The following PRR16 variants were observed in gnomAD, a reference collection of about 807,000 sequenced individuals.
The protein encoded by PRR16 is protein Largen.
Under a neutral mutation model 18.2 loss-of-function variants are expected in PRR16, and 6 were observed. That is an observed-to-expected ratio of 0.33 (90% CI 0.18 to 0.65). The LOEUF (loss-of-function observed/expected upper bound fraction) is 0.65, where lower values mean the gene tolerates loss of function less well. Among genes scored for constraint, PRR16 ranks in the 30% least tolerant of loss-of-function variants. The pLI is 0.74. For missense variants in PRR16, 412 were observed against 376.6 expected (o/e 1.09, Z -0.78); for synonymous variants, 151 against 147.8 (o/e 1.02, Z -0.16).
At chr5:120,779,099 C>T in the PRR16 span, among the ~76,000 whole-genome samples, 1 of 152,052 alleles carries the variant, frequency 6.6e-6, no homozygotes, top group Admixed American at 6.6e-5. Context: ...AAAATATGCA[C>T]ACGTTAACAT....
the PRR16 span, among the ~76,000 whole-genome samples, chr5:120,763,298 A>G: frequency 6.6e-6 from 1 of 151,758 alleles, no homozygotes; most frequent in Non-Finnish European, 1.5e-5. Context: ...TGCATAATCC[A>G]CCACGTCTGG....
At chr5:120,730,427 T>G in the PRR16 span, among the ~76,000 whole-genome samples, 8 of 152,124 alleles carry the variant, frequency 5.3e-5, no homozygotes, top group Non-Finnish European at 1.0e-4. Context: ...GTTAGATAAA[T>G]ATGATGACTG....
intron 1 of PRR16, among the ~76,000 whole-genome samples, chr5:120,646,048 T>TATATATA (rs1755584808): frequency 4.1e-4 from 43 of 104,994 alleles, no homozygotes; most frequent in Admixed American, 2.3e-3. Context: ...AATACATATT[T>TATATATA]TATATATATA....
At chr5:120,666,412 A>C (rs1321910349) in intron 1 of PRR16, among the ~76,000 whole-genome samples, 3 of 151,940 alleles carry the variant, frequency 2.0e-5, no homozygotes, top group East Asian at 3.9e-4. Flanking sequence ...AAACAGGGAC[A>C]ATTTGACTTC....
the PRR16 span, among the ~76,000 whole-genome samples, chr5:120,773,465 T>C: frequency 6.6e-6 from 1 of 152,044 alleles, no homozygotes; most frequent in African/African-American, 2.4e-5. Context: ...TGGAAGAAAA[T>C]TGTTGGCCAC....
intron 1 of PRR16, among the ~76,000 whole-genome samples, chr5:120,492,528 A>G (rs1229600055): frequency 1.3e-5 from 2 of 152,076 alleles, no homozygotes; most frequent in African/African-American, 4.8e-5. Flanking sequence ...TGATTGTGTT[A>G]TAGACCACTC....
chr5:120,580,630 T>G (rs1334075721), intron 1 of PRR16, among the ~76,000 whole-genome samples: 1 of 151,990 alleles, frequency 6.6e-6, no homozygotes, highest in Non-Finnish European at 1.5e-5. Context: ...AATTTTTTTG[T>G]ATTTTTAGTA....
intron 1 of PRR16, among the ~76,000 whole-genome samples, chr5:120,582,439 C>G (rs1326579620): frequency 6.6e-6 from 1 of 151,594 alleles, no homozygotes; most frequent in African/African-American, 2.4e-5. Context: ...ACATGTACCC[C>G]TGAATCTAAA....
chr5:120,687,825 C>T (rs546411700), downstream of PRR16, among the ~76,000 whole-genome samples: 29 of 152,220 alleles, frequency 1.9e-4, no homozygotes, highest in Non-Finnish European at 4.0e-4. Context: ...AAATCCTCCT[C>T]TTCCGTCTTA....
intron 1 of PRR16, among the ~76,000 whole-genome samples, chr5:120,620,356 A>C (rs1052486164): frequency 1.3e-5 from 2 of 152,176 alleles, no homozygotes; most frequent in Non-Finnish European, 2.9e-5. Context: ...GCAGTGCTCC[A>C]CAAATGGGTA....
the PRR16 span, among the ~76,000 whole-genome samples, chr5:120,762,121 CAGTT>C: frequency 6.6e-6 from 1 of 152,100 alleles, no homozygotes; most frequent in African/African-American, 2.4e-5. Context: ...CGTTGATGGA[CAGTT>C]AGGCTGATTG....
At chr5:120,600,400 T>C (rs1753944608) in intron 1 of PRR16, among the ~76,000 whole-genome samples, 1 of 151,866 alleles carries the variant, frequency 6.6e-6, no homozygotes, top group African/African-American at 2.4e-5. Flanking sequence ...TATTTATTGC[T>C]CCAACAACGC....
the PRR16 span, among the ~76,000 whole-genome samples, chr5:120,754,641 GTATT>G: frequency 2.5e-4 from 24 of 96,962 alleles, no homozygotes; most frequent in African/African-American, 7.2e-4. Flanking sequence ...AATATATAAA[GTATT>G]TATATATTAT....
chr5:120,732,387 C>A, the PRR16 span, among the ~76,000 whole-genome samples: 6 of 151,922 alleles, frequency 3.9e-5, no homozygotes, highest in African/African-American at 1.2e-4. Flanking sequence ...GATGCTGGTG[C>A]GGCTATATAA....
At chr5:120,652,678 G>T (rs1438404408) in intron 1 of PRR16, among the ~76,000 whole-genome samples, 2 of 151,814 alleles carry the variant, frequency 1.3e-5, no homozygotes, top group Non-Finnish European at 2.9e-5. Flanking sequence ...GAAAAACAAG[G>T]AATATCTGAG....
chr5:120,790,724 A>T, the PRR16 span: 1 of 152,128 alleles, frequency 6.6e-6, no homozygotes, highest in Non-Finnish European at 1.5e-5. Flanking sequence ...ATTCAGGGTA[A>T]TGATGTGTGC....
chr5:120,780,593 A>G, the PRR16 span, among the ~76,000 whole-genome samples: 26 of 152,234 alleles, frequency 1.7e-4, no homozygotes, highest in Admixed American at 1.7e-3. Context: ...TAATATTACA[A>G]TTTTTTCAAT....
intron 1 of PRR16, among the ~76,000 whole-genome samples, chr5:120,671,608 C>T (rs961183835): frequency 1.3e-4 from 20 of 152,138 alleles, no homozygotes; most frequent in African/African-American, 4.8e-4. Context: ...TAAAATTTGC[C>T]TTCCTTTGCA....
chr5:120,736,607 T>A, the PRR16 span, among the ~76,000 whole-genome samples: 1 of 147,650 alleles, frequency 6.8e-6, no homozygotes, highest in East Asian at 2.0e-4. Context: ...TTTTTAGAGT[T>A]TTTTTCTATT....
Sources: gnomAD v4.1 joint callset for allele counts (sites outside exome capture counted in the v4.1 genomes callset) on GRCh38, gnomAD v4.1.1 for gene constraint, MANE v1.5 for transcripts, NCBI Gene and HGNC (gene_info 2026-07-23, HGNC 2026-07-21) for gene names.